ATP10B: variants seen among roughly 807,000 people sequenced by gnomAD.
ATP10B encodes the protein ATPase phospholipid transporting 10B (putative).
ATP10B carries 122 observed loss-of-function variants against 141.2 expected under a neutral mutation model. That is an observed-to-expected ratio of 0.86 (90% CI 0.75 to 1.00). The LOEUF is 1.00. Among genes scored for constraint, ATP10B ranks in the 50% least tolerant of loss-of-function variants. The pLI, the probability that ATP10B is intolerant of heterozygous loss-of-function variation, is 0.00. For synonymous variants in ATP10B, 685 were observed against 692.0 expected, an observed-to-expected ratio of 0.99 and a Z score of 0.16; for missense variants, 1,876 against 1,825.3, an observed-to-expected ratio of 1.03 and a Z score of -0.51.
chr5:160,634,099 C>A (rs1327601681), intron 12 of ATP10B: 2 of 593,258 alleles, frequency 3.4e-6, no homozygotes, highest in East Asian at 3.1e-5. Flanking sequence ...CTTTGTCTGG[C>A]ACCAGACAAA....
Position 160,632,075 on chromosome 5 carries a change from C to T in ATP10B, c.1620+54G>A, listed in dbSNP as rs75404179. ...TTTCTTTTTCACATTCCAGAGCACC[C>T]TCCCTCTCTTCCCACAGAACACTTA... On this transcript the variant is annotated intron_variant, in intron 13 of 25. Transcript: ENST00000327245. 99 of 1,508,858 alleles carry T rather than the reference C, an allele frequency of 6.6e-5. No individual in the cohort carries two copies. The African/African-American group carries it at 1.2e-3, about 18-fold the overall frequency. 93.5% of individuals were successfully genotyped at this position (1,508,858 alleles called of 1,614,324 possible). A position where few individuals can be genotyped will look rare whatever the true frequency, so the allele number is the denominator to read the frequency against.
intron 2 of ATP10B, among the ~76,000 whole-genome samples, chr5:160,763,052 C>A (rs1009354276): frequency 3.5e-5 from 5 of 142,716 alleles, no homozygotes; most frequent in South Asian, 2.2e-4. Flanking sequence ...ACTGGAGCAC[C>A]CAAATTTGTA....
intron 10 of ATP10B, among the ~76,000 whole-genome samples, chr5:160,639,349 T>C (rs962386226): frequency 2.0e-5 from 3 of 152,236 alleles, no homozygotes; most frequent in Non-Finnish European, 2.9e-5. Context: ...CTATCTTATA[T>C]GGCCAAAGGG....
At chr5:160,815,126 C>A (rs543279243) in intron 1 of ATP10B, among the ~76,000 whole-genome samples, 3 of 152,154 alleles carry the variant, frequency 2.0e-5, no homozygotes, top group Non-Finnish European at 4.4e-5. Flanking sequence ...ATCAAATTCA[C>A]ACATAACAAT....
At chr5:160,819,951 T>C (rs148938989) in intron 1 of ATP10B, among the ~76,000 whole-genome samples, 273 of 151,896 alleles carry the variant, frequency 1.8e-3, no homozygotes, top group African/African-American at 6.4e-3. Context: ...AATCTAACAA[T>C]ATATCTTAAA....
chr5:160,741,976 G>T (rs564695855), intron 2 of ATP10B, among the ~76,000 whole-genome samples: 1 of 152,242 alleles, frequency 6.6e-6, no homozygotes, highest in African/African-American at 2.4e-5. Context: ...TTAGAAACCC[G>T]ATGAGGAAGA....
chr5:160,836,093 A>G (rs1775410284), intron 1 of ATP10B, among the ~76,000 whole-genome samples: 1 of 152,116 alleles, frequency 6.6e-6, no homozygotes. Context: ...ATTAGATTCA[A>G]AAGAATGAGG....
the ATP10B span, among the ~76,000 whole-genome samples, chr5:160,877,005 A>G: frequency 3.3e-5 from 5 of 151,590 alleles, no homozygotes; most frequent in African/African-American, 2.4e-5. Context: ...AATCAACAGA[A>G]AAAGAGGGAA....
chr5:160,855,859 T>C (rs1270625107), upstream of ATP10B, among the ~76,000 whole-genome samples: 2 of 151,820 alleles, frequency 1.3e-5, no homozygotes, highest in Non-Finnish European at 2.9e-5. Flanking sequence ...CCTTCCTCCA[T>C]TGAATTGTTC....
At chr5:160,872,135 G>A in the ATP10B span, among the ~76,000 whole-genome samples, 2 of 152,178 alleles carry the variant, frequency 1.3e-5, no homozygotes, top group South Asian at 2.1e-4. Flanking sequence ...GCACTTCTCT[G>A]GTTATTAATG....
the ATP10B span, among the ~76,000 whole-genome samples, chr5:160,921,035 C>A: frequency 1.6e-4 from 24 of 152,190 alleles, no homozygotes; most frequent in African/African-American, 5.8e-4. Context: ...AAGCAGTGAA[C>A]AAAGACACGA....
the ATP10B span, among the ~76,000 whole-genome samples, chr5:160,883,537 C>T: frequency 6.6e-6 from 1 of 151,712 alleles, no homozygotes; most frequent in Non-Finnish European, 1.5e-5. Flanking sequence ...ACTAGAAGCA[C>T]TAGAAGTATA....
intron 1 of ATP10B, among the ~76,000 whole-genome samples, chr5:160,849,684 G>A (rs1408859586): frequency 6.6e-6 from 1 of 151,126 alleles, no homozygotes; most frequent in African/African-American, 2.4e-5. Flanking sequence ...AACTTGCCAA[G>A]GTTACACAAT....
chr5:160,565,957 C>A, intron 25 of ATP10B, 57 bp from the exon 26 acceptor site: 3 of 1,487,876 alleles, frequency 2.0e-6, no homozygotes, highest in Non-Finnish European at 9.1e-7. Flanking sequence ...TCATAAACTT[C>A]AGCATTAAAA....
rs1445129029 is a variant in ATP10B at position 160,688,904 on chromosome 5, G to C, written c.-165C>G. ...ATCTAGATGGCTGGAGTTGGGGATA[G>C]GGGATCCCTTTTCTTTTTCTCCACT... is the stretch of plus-strand genomic sequence containing the variant. On this transcript the variant is annotated 5_prime_UTR_variant, in exon 4 of 26. Coordinates refer to ENST00000327245, the MANE Select transcript of ATP10B (RefSeq NM_025153.3). The C allele has an allele frequency of 4.1e-6, 4 of 985,270 alleles. No homozygotes were observed. The highest frequency in any genetic ancestry group is 4.8e-6 in the Non-Finnish European group (4 of 829,942). The allele number at this position is 985,270 out of a possible 1,614,324, so 61.0% of individuals were successfully genotyped here.
intron 2 of ATP10B, among the ~76,000 whole-genome samples, chr5:160,727,069 C>A (rs1371734538): frequency 6.6e-6 from 1 of 152,166 alleles, no homozygotes; most frequent in Non-Finnish European, 1.5e-5. Flanking sequence ...CCCTGACCAC[C>A]TTGGGCACAT....
chr5:160,651,920 G>A (rs1760768575), intron 7 of ATP10B, among the ~76,000 whole-genome samples: 2 of 152,040 alleles, frequency 1.3e-5, no homozygotes, highest in African/African-American at 4.8e-5. Context: ...ATTAAGTCAT[G>A]TGCTTCACTC....
At chr5:160,593,553 AC>A (rs1393892882) in intron 22 of ATP10B, among the ~76,000 whole-genome samples, 1 of 152,258 alleles carries the variant, frequency 6.6e-6, no homozygotes, top group Non-Finnish European at 1.5e-5. Flanking sequence ...CAGCAATGGA[AC>A]AAAGCTGGAC....
At chr5:160,782,356 T>C (rs906727505) in intron 2 of ATP10B, among the ~76,000 whole-genome samples, 4 of 152,070 alleles carry the variant, frequency 2.6e-5, no homozygotes, top group African/African-American at 9.7e-5. Flanking sequence ...AGTTTTCTTA[T>C]TGTTCTGTAA....
Sources: gnomAD v4.1 joint callset for allele counts (sites outside exome capture counted in the v4.1 genomes callset) on GRCh38, gnomAD v4.1.1 for gene constraint, MANE v1.5 for transcripts, NCBI Gene and HGNC (gene_info 2026-07-23, HGNC 2026-07-21) for gene names.